Variants in DBT observed in about 807,000 individuals in gnomAD.
The protein encoded by DBT is lipoamide acyltransferase component of branched-chain alpha-keto acid dehydrogenase complex, mitochondrial.
DBT carries 40 observed loss-of-function variants against 51.3 expected under a neutral mutation model. The observed-to-expected ratio is 0.78, with a 90% CI of 0.61 to 1.02. The LOEUF (loss-of-function observed/expected upper bound fraction) is 1.02. Among genes scored for constraint, DBT ranks in the 50% least tolerant of loss-of-function variants. DBT has a pLI of 0.00. For missense variants in DBT, 510 were observed against 580.2 expected, an observed-to-expected ratio of 0.88 and a Z score of 1.24; for synonymous variants, 181 against 190.4, an observed-to-expected ratio of 0.95 and a Z score of 0.41.
Position 100,221,367 on chromosome 1 carries a change from TACAG to T in DBT, c.434-2624_434-2621del, listed in dbSNP as rs1043102184. Among the ~76,000 whole-genome samples, 6 of 152,358 alleles carry T rather than the reference TACAG, an allele frequency of 3.9e-5. No homozygotes were observed. The East Asian group carries it at 7.7e-4, about 20-fold the overall frequency. Reference sequence around the variant, plus strand: ...TTATTTTTTGCTTTTCTTTTTTTAATACAGACAGTGTTTCACTACGTTGCCCAGG... The same window carrying T: ...TTATTTTTTGCTTTTCTTTTTTTAATACAGTGTTTCACTACGTTGCCCAGG... On this transcript the variant is annotated intron_variant, in intron 4 of 10. Coordinates refer to ENST00000370132, the MANE Select transcript of DBT (RefSeq NM_001918.5).
intron 1 of DBT, chr1:100,249,116 A>G: frequency 1.0e-6 from 1 of 987,980 alleles, no homozygotes; most frequent in Non-Finnish European, 1.2e-6. Context: ...CAGGAAGAAG[A>G]AACACTAAGC....
At chr1:100,238,168 C>T (rs1428542698) in intron 2 of DBT, among the ~76,000 whole-genome samples, 6 of 18,736 alleles carry the variant, frequency 3.2e-4, no homozygotes, top group African/African-American at 4.8e-4. Flanking sequence ...CTCCTTCCTC[C>T]CTCGCTTCCT....
chr1:100,235,285 TA>T (rs1663802138), intron 3 of DBT, 150 bp downstream of exon 3: 3 of 547,660 alleles, frequency 5.5e-6, no homozygotes, highest in Non-Finnish European at 9.9e-6. Context: ...AATTCTACCT[TA>T]TTGCTTTTAA....
intron 7 of DBT, among the ~76,000 whole-genome samples, chr1:100,214,446 A>G (rs760489720): frequency 3.3e-5 from 5 of 152,232 alleles, no homozygotes; most frequent in Non-Finnish European, 7.3e-5. Flanking sequence ...ATGTTGGCAA[A>G]GCAAAATTTA....
rs201559874 is a variant in DBT, at chr1:100,216,030, G to C, written c.725C>G (p.Ser242Ter). ...TTTGCCTGTGAATACCGGAGGTTTT[G>C]ATACTAGTATAGGAACAGTCATGTC... Reference protein sequence around the residue: ...PKDMTVPILVSKPPVFTGKDK... With the variant: ...PKDMTVPILV Residue 242 changes from serine to a stop codon, truncating the protein, a stop_gained, in exon 6 of 11, where the codon TCA (serine) becomes TGA (stop). Coordinates refer to ENST00000370132, the MANE Select transcript of DBT (RefSeq NM_001918.5). LOFTEE classifies it high-confidence loss of function. 1.2e-6 allele frequency: 2 copies of C among 1,613,066 alleles called. No individual in the cohort carries two copies. Among genetic ancestry groups the C allele is most frequent in the Non-Finnish European group, 1.7e-6 (2 of 1,179,254 alleles).
chr1:100,223,697 G>A (rs1402420545), intron 4 of DBT, among the ~76,000 whole-genome samples: 1 of 152,090 alleles, frequency 6.6e-6, no homozygotes, highest in Admixed American at 6.6e-5. Context: ...CAAACTCCTG[G>A]CTTCAAATGA....
rs1662065959 is a variant in DBT at position 100,210,352 on chromosome 1, GA to G, written c.1017+341del. Among the ~76,000 whole-genome samples the G allele has an allele frequency of 3.9e-5, 4 of 101,640 alleles. No individual in the cohort carries two copies. The Admixed American group carries it at 4.8e-4, about 12-fold the overall frequency. 66.7% of individuals were successfully genotyped at this position (101,640 alleles called of 152,430 possible). ...AGAAGAAGAAGAAGAAGAAGAATAA[GA>G]ATAATAATATTAAAATTCCAGGAAT... On this transcript the variant is annotated intron_variant, in intron 8 of 10. Transcript: ENST00000370132.
intron 4 of DBT, among the ~76,000 whole-genome samples, chr1:100,227,866 T>G (rs1348407404): frequency 1.3e-5 from 2 of 152,208 alleles, no homozygotes; most frequent in Non-Finnish European, 2.9e-5. Flanking sequence ...TGTTTGTTTT[T>G]AAGATAGAGT....
Position 100,225,043 on chromosome 1 carries a change from A to AAAATATG in DBT, c.433+5689_433+5690insCATATTT, listed in dbSNP as rs1553231586. ...CCCCCAAAAAAAAAAAAAAAAAAAAATATATATATACACACACACACACAC... is the reference window on the plus strand; with the variant it reads ...CCCCCAAAAAAAAAAAAAAAAAAAAAAAATATGTATATATATACACACACACACACAC... On this transcript the variant is annotated intron_variant, in intron 4 of 10. Coordinates refer to ENST00000370132, the MANE Select transcript of DBT (RefSeq NM_001918.5). 3.3e-3 allele frequency among the ~76,000 whole-genome samples: 141 copies of AAAATATG among 42,994 alleles called. 13 individuals carry two copies. The highest frequency in any genetic ancestry group is 0.011 in the Middle Eastern group (1 of 92). The allele number at this position is 42,994 out of a possible 152,430, so 28.2% of individuals were successfully genotyped here.
intron 1 of DBT, among the ~76,000 whole-genome samples, chr1:100,243,252 CTT>C: frequency 9.2e-6 from 1 of 108,792 alleles, no homozygotes; most frequent in Non-Finnish European, 2.0e-5. Context: ...ACAGAGAGAC[CTT>C]GTCTCCAAAA....
At chr1:100,204,735 T>C (rs907419159) in intron 10 of DBT, among the ~76,000 whole-genome samples, 3 of 152,140 alleles carry the variant, frequency 2.0e-5, no homozygotes, top group Non-Finnish European at 2.9e-5. Flanking sequence ...CAAAACAGCA[T>C]GGTAATGGTA....
chr1:100,217,101 T>A (rs1662539395), intron 5 of DBT, among the ~76,000 whole-genome samples: 1 of 152,098 alleles, frequency 6.6e-6, no homozygotes, highest in African/African-American at 2.4e-5. Context: ...AATTCATAAA[T>A]ATGCAAATTC....
chr1:100,199,034 C>A (rs926077489), intron 10 of DBT, among the ~76,000 whole-genome samples: 23 of 152,156 alleles, frequency 1.5e-4, no homozygotes, highest in Non-Finnish European at 2.5e-4. Context: ...CCTCAGTGGT[C>A]CTCAACCCTG....
intron 3 of DBT, among the ~76,000 whole-genome samples, chr1:100,235,186 C>T (rs1368373245): frequency 1.3e-5 from 2 of 152,086 alleles, no homozygotes; most frequent in African/African-American, 4.8e-5. Context: ...GTGAAGAGAG[C>T]TTAGACTACC....
At chr1:100,206,086 A>G (rs1661764922) in intron 10 of DBT, 144 bp downstream of exon 10, 2 of 617,630 alleles carry the variant, frequency 3.2e-6, no homozygotes, top group Non-Finnish European at 5.5e-6. Flanking sequence ...AAAAAAAAAA[A>G]AAAAGAAATA....
At chr1:100,222,136 G>C (rs1250989338) in intron 4 of DBT, among the ~76,000 whole-genome samples, 1 of 152,032 alleles carries the variant, frequency 6.6e-6, no homozygotes, top group Non-Finnish European at 1.5e-5. Context: ...TCTACAATAG[G>C]CTATACAAAA....
intron 4 of DBT, among the ~76,000 whole-genome samples, chr1:100,224,990 G>T (rs1663082760): frequency 1.5e-5 from 2 of 134,406 alleles, no homozygotes; most frequent in South Asian, 4.8e-4. Flanking sequence ...CTGCACTCCA[G>T]CCTGGCGACA....
chr1:100,247,170 T>C (rs1664588320), intron 1 of DBT, among the ~76,000 whole-genome samples: 1 of 152,208 alleles, frequency 6.6e-6, no homozygotes, highest in Admixed American at 6.5e-5. Context: ...AATTGCCTCA[T>C]AGTCATTTGA....
At position 100,216,046 on chromosome 1, in the gene DBT, C is replaced by G. The variant is rs947272551; in HGVS notation, c.709G>C (p.Val237Leu). The G allele has an allele frequency of 6.2e-7, 1 of 1,613,482 alleles. No individual in the cohort carries two copies. Among genetic ancestry groups the G allele is most frequent in the Admixed American group, 1.7e-5 (1 of 60,002 alleles). Residue 237 changes from valine (V) to leucine (L), a missense_variant, in exon 6 of 11, where the codon GTT becomes CTT. Coordinates refer to ENST00000370132, the MANE Select transcript of DBT (RefSeq NM_001918.5). The part of the protein sequence containing the change: ...PPPPKPKDMT[V>L]PILVSKPPVF... ...GGAGGTTTTGATACTAGTATAGGAA[C>G]AGTCATGTCTTTTGGCTTTGGTGGA...
Sources: gnomAD v4.1 joint callset for allele counts (sites outside exome capture counted in the v4.1 genomes callset) on GRCh38, gnomAD v4.1.1 for gene constraint, MANE v1.5 for transcripts, NCBI Gene and HGNC (gene_info 2026-07-23, HGNC 2026-07-21) for gene names.